TBC1D10B: variants seen among roughly 807,000 people sequenced by gnomAD.
The protein encoded by TBC1D10B is Rab27A-GAPbeta.
TBC1D10B carries 25 observed loss-of-function variants against 78.4 expected under a neutral mutation model. The observed-to-expected ratio is 0.32, with a 90% confidence interval of 0.23 to 0.45. The LOEUF is 0.45. Among genes scored for constraint, TBC1D10B ranks in the 20% least tolerant of loss-of-function variants. TBC1D10B has a pLI of 1.00. For missense variants in TBC1D10B, 996 were observed against 1,104.8 expected (o/e 0.90, Z 1.40); for synonymous variants, 517 against 478.0 (o/e 1.08, Z -1.06).
Position 30,357,745 on chromosome 16 carries a change from G to A in TBC1D10B, c.*199C>T. ...ACCCCAGCTGAGCCTCATGGGAGATGAGAGGCTCCAGACTCATTTGCAGCT... is the reference window on the plus strand; with the variant it reads ...ACCCCAGCTGAGCCTCATGGGAGATAAGAGGCTCCAGACTCATTTGCAGCT... On this transcript the variant is annotated 3_prime_UTR_variant, in exon 9 of 9. Transcript: ENST00000409939. 1 of 734,362 alleles carries A rather than the reference G, an allele frequency of 1.4e-6. No individual in the cohort carries two copies. Among genetic ancestry groups the A allele is most frequent in the Non-Finnish European group, 2.2e-6 (1 of 461,404 alleles). 45.5% of individuals were successfully genotyped at this position (734,362 alleles called of 1,614,324 possible).
Position 30,357,911 on chromosome 16 carries a change from G to C in TBC1D10B, c.*33C>G, listed in dbSNP as rs1375722568. 12 of 1,531,946 alleles carry C rather than the reference G, an allele frequency of 7.8e-6. No individual in the cohort carries two copies. Among genetic ancestry groups the C allele is most frequent in the Non-Finnish European group, 9.7e-6 (11 of 1,137,288 alleles). The allele number at this position is 1,531,946 out of a possible 1,614,324, so 94.9% of individuals were successfully genotyped here. On this transcript the variant is annotated 3_prime_UTR_variant, in exon 9 of 9. Transcript: ENST00000409939. The stretch of plus-strand genomic sequence containing the variant: ...GGCCTGTTCTTGGCTGAGGGAAAGA[G>C]GGGGGCCATGCAGTCCAGCCCCAGG...
rs993354708 is a variant in TBC1D10B, at chr16:30,370,361, C to G, written c.-178G>C. 9.4e-5 allele frequency: 17 copies of G among 180,694 alleles called. 1 individual carries two copies. Among genetic ancestry groups the G allele is most frequent in the African/African-American group, 4.1e-4 (17 of 41,828 alleles). The allele number at this position is 180,694 out of a possible 1,614,324, so 11.2% of individuals were successfully genotyped here. ...GCGGGGCAGGGGTCGGGGGGCGCCGCGCGCCGGGGTCTCTCTCGAGCCCTC... is the reference window on the plus strand; with the variant it reads ...GCGGGGCAGGGGTCGGGGGGCGCCGGGCGCCGGGGTCTCTCTCGAGCCCTC... On this transcript the variant is annotated 5_prime_UTR_variant, in exon 1 of 9. Coordinates refer to ENST00000409939, the MANE Select transcript of TBC1D10B (RefSeq NM_015527.4).
intron 1 of TBC1D10B, among the ~76,000 whole-genome samples, chr16:30,368,682 C>CG (rs1279842379): frequency 6.6e-6 from 1 of 152,162 alleles, no homozygotes; most frequent in African/African-American, 2.4e-5. Flanking sequence ...CCCTGTTTCA[C>CG]AGCGGGATCC....
In TBC1D10B at chr16:30,357,896, TG is replaced by T. The variant is rs2049564877; in HGVS notation, c.*47del. On this transcript the variant is annotated 3_prime_UTR_variant, in exon 9 of 9. Transcript: ENST00000409939. ...TGGCACCTTGGGCCAGGCCTGTTCT[TG>T]GCTGAGGGAAAGAGGGGGGCCATGC... 3.3e-6 allele frequency: 5 copies of T among 1,519,488 alleles called. No individual in the cohort carries two copies. The highest frequency in any genetic ancestry group is 3.5e-6 in the Non-Finnish European group (4 of 1,132,428). 94.1% of individuals were successfully genotyped at this position (1,519,488 alleles called of 1,614,324 possible).
At chr16:30,362,850 A>G (rs1370143776) in intron 4 of TBC1D10B, among the ~76,000 whole-genome samples, 1 of 152,184 alleles carries the variant, frequency 6.6e-6, no homozygotes, top group Non-Finnish European at 1.5e-5. Flanking sequence ...CAGCCTGGCC[A>G]ACATGGCAAA....
rs534263605 is a variant in TBC1D10B, at chr16:30,362,526, C to A, written c.1271+2374G>T. Among the ~76,000 whole-genome samples the A allele has an allele frequency of 2.2e-5, 3 of 134,010 alleles. No individual in the cohort carries two copies. In the East Asian group the frequency reaches 1.7e-3, roughly 76 times the overall value. The allele number at this position is 134,010 out of a possible 152,430, so 87.9% of individuals were successfully genotyped here. A position where few individuals can be genotyped will look rare whatever the true frequency, so the allele number is the denominator to read the frequency against. On this transcript the variant is annotated intron_variant, in intron 4 of 8. Transcript: ENST00000409939. ...TTCTCAAACTATTGGAGCTGCAGGG[C>A]TCAATTGTTGGACATTTCGCATCAA...
intron 4 of TBC1D10B, 140 bp downstream of exon 4, chr16:30,364,760 A>G (rs2049623607): frequency 1.4e-6 from 1 of 718,950 alleles, no homozygotes. Flanking sequence ...ATGGCTTGAC[A>G]CTTAGTCCAT....
At chr16:30,367,844 A>G (rs117667102) in intron 1 of TBC1D10B, 1 of 152,334 alleles carries the variant, frequency 6.6e-6, no homozygotes, top group East Asian at 1.9e-4. Flanking sequence ...CCCAAGAGGT[A>G]GAGTTCTCTG....
Position 30,365,480 on chromosome 16 carries a change from A to C in TBC1D10B, c.1056+15T>G, listed in dbSNP as rs760111379. Reference sequence around the variant, plus strand: ...CAACTTGTGCATTGCCCTGCCCACCATTCAGCCCTCAAACCTTCTGGAATC... The same window carrying C: ...CAACTTGTGCATTGCCCTGCCCACCCTTCAGCCCTCAAACCTTCTGGAATC... On this transcript the variant is annotated intron_variant, in intron 2 of 8. Transcript: ENST00000409939. This position sits in a 1 kb window ranked among gnomAD's most constrained non-coding sequence, Gnocchi z 5.0. 6.2e-7 allele frequency: 1 copy of C among 1,613,822 alleles called. No homozygotes were observed. Among genetic ancestry groups the C allele is most frequent in the East Asian group, 2.2e-5 (1 of 44,882 alleles).
At position 30,360,277 on chromosome 16, in the gene TBC1D10B, C is replaced by T. The variant is rs114487934; in HGVS notation, c.1272-436G>A. 797 of 172,488 alleles carry T rather than the reference C, an allele frequency of 4.6e-3. 6 individuals carry two copies. The highest frequency in any genetic ancestry group is 0.018 in the African/African-American group (749 of 42,004). The allele number at this position is 172,488 out of a possible 1,614,324, so 10.7% of individuals were successfully genotyped here. A position where few individuals can be genotyped will look rare whatever the true frequency, so the allele number is the denominator to read the frequency against. On this transcript the variant is annotated intron_variant, in intron 4 of 8. Transcript: ENST00000409939. ...GAAGGCTTGGAAGCCAGCTGTGCCT[C>T]AGCCCTTTCTCCTGTCTCTGCATCC... is the stretch of plus-strand genomic sequence containing the variant.
At chr16:30,362,110 A>G (rs536569393) in intron 4 of TBC1D10B, among the ~76,000 whole-genome samples, 6 of 151,982 alleles carry the variant, frequency 3.9e-5, no homozygotes, top group African/African-American at 9.7e-5. Flanking sequence ...CGGCCTCCCA[A>G]TGTGCTGGGA....
Position 30,359,309 on chromosome 16 carries a change from G to A in TBC1D10B, c.1505C>T (p.Ser502Phe), listed in dbSNP as rs758435744. The change falls in exon 7 of 9, where the codon TCC becomes TTC. Residue 502 changes from serine (S) to phenylalanine (F), a missense_variant. Ser to Phe is a radical substitution (Grantham distance 155). Around this residue, in one of 5 missense-constraint regions of TBC1D10B, gnomAD observed 168 missense variants for 238.7 expected, o/e 0.70. Transcript: ENST00000409939. ...EIFFALLRRA[S>F]PLAHRHLRRQ... ...CCGCAGGTGGCGATGCGCCAGCGGGGAGGCCCGGCGCAGGAGTGCAAAAAA... is the reference window on the plus strand; with the variant it reads ...CCGCAGGTGGCGATGCGCCAGCGGGAAGGCCCGGCGCAGGAGTGCAAAAAA... 3 of 1,598,844 alleles carry A rather than the reference G, an allele frequency of 1.9e-6. No homozygotes were observed.
At position 30,365,632 on chromosome 16, in the gene TBC1D10B, A is replaced by G. The variant is rs750025782; in HGVS notation, c.957-38T>C. 1.9e-6 allele frequency: 3 copies of G among 1,599,014 alleles called. No homozygotes were observed. The highest frequency in any genetic ancestry group is 2.6e-6 in the Non-Finnish European group (3 of 1,168,202). On this transcript the variant is annotated intron_variant, in intron 1 of 8. Transcript: ENST00000409939. The surrounding 1 kb of genome is among the most constrained non-coding windows in gnomAD (Gnocchi z 5.0). Reference sequence around the variant, plus strand: ...GGGAGCACGGAAGGGGTCAGTAGCAATAGTGTAAAACCTGCATTGCAGGGG... The same window carrying G: ...GGGAGCACGGAAGGGGTCAGTAGCAGTAGTGTAAAACCTGCATTGCAGGGG...
At position 30,357,905 on chromosome 16, in the gene TBC1D10B, G is replaced by A; in HGVS notation, c.*39C>T. 6.5e-7 allele frequency: 1 copy of A among 1,526,726 alleles called. No individual in the cohort carries two copies. Among genetic ancestry groups the A allele is most frequent in the Non-Finnish European group, 8.8e-7 (1 of 1,135,170 alleles). The allele number at this position is 1,526,726 out of a possible 1,614,324, so 94.6% of individuals were successfully genotyped here. The stretch of plus-strand genomic sequence containing the variant: ...GGGCCAGGCCTGTTCTTGGCTGAGG[G>A]AAAGAGGGGGGCCATGCAGTCCAGC... On this transcript the variant is annotated 3_prime_UTR_variant, in exon 9 of 9. Coordinates refer to ENST00000409939, the MANE Select transcript of TBC1D10B (RefSeq NM_015527.4).
rs2049558243 is a variant in TBC1D10B, at chr16:30,357,244, G to A, written c.*700C>T. ...ACCCAGATAGGGACTAACTGGAGGGGTGGAAGGGAACAAGGTGAAAGGTAT... is the reference window on the plus strand; with the variant it reads ...ACCCAGATAGGGACTAACTGGAGGGATGGAAGGGAACAAGGTGAAAGGTAT... On this transcript the variant is annotated 3_prime_UTR_variant, in exon 9 of 9. Transcript: ENST00000409939. The A allele has an allele frequency of 6.5e-6, 1 of 153,778 alleles. No individual in the cohort carries two copies. The highest frequency in any genetic ancestry group is 2.4e-5 in the African/African-American group (1 of 41,448). 9.5% of individuals were successfully genotyped at this position (153,778 alleles called of 1,614,324 possible). A position where few individuals can be genotyped will look rare whatever the true frequency, so the allele number is the denominator to read the frequency against.
At chr16:30,362,335 A>G in intron 4 of TBC1D10B, among the ~76,000 whole-genome samples, 1 of 152,234 alleles carries the variant, frequency 6.6e-6, no homozygotes, top group East Asian at 1.9e-4. Flanking sequence ...TGTTCAATCC[A>G]GAGGTCAATT....
At position 30,365,216 on chromosome 16, in the gene TBC1D10B, A is replaced by C. The variant is rs1189352515; in HGVS notation, c.1057-4T>G. 1.9e-6 allele frequency: 3 copies of C among 1,613,510 alleles called. No homozygotes were observed. The highest frequency in any genetic ancestry group is 3.3e-5 in the Admixed American group (2 of 60,018). On this transcript the variant is annotated splice_polypyrimidine_tract_variant and splice_region_variant and intron_variant, in intron 2 of 8. Coordinates refer to ENST00000409939, the MANE Select transcript of TBC1D10B (RefSeq NM_015527.4). This position sits in a 1 kb window ranked among gnomAD's most constrained non-coding sequence, Gnocchi z 5.0. ...CCTTCCGGCAGCGCAGCTTCACCTA[A>C]GGCAAAGTGGCAGGAGGGGGACAGC...
rs1218010612 is a variant in TBC1D10B, at chr16:30,357,976, A to C, written c.2395T>G (p.Ser799Ala). 5.8e-6 allele frequency: 9 copies of C among 1,551,536 alleles called. No homozygotes were observed. Among genetic ancestry groups the C allele is most frequent in the Non-Finnish European group, 7.8e-6 (9 of 1,146,930 alleles). ...TAAGCGTCCTGCCGGGCCTCGGCTG[A>C]GGGCCTGTCCCCACCATCATGGGGG... ...PGPHDGGDRP[S>A]AEARQDAYF Residue 799 changes from serine (S) to alanine (A), a missense_variant, in exon 9 of 9, where the codon TCA becomes GCA. Transcript: ENST00000409939.
In TBC1D10B at chr16:30,358,217, G is replaced by A. The variant is rs1405394509; in HGVS notation, c.2154C>T (p.Ser718=). The change falls in exon 9 of 9, where the codon AGC becomes AGT. Residue 718 remains serine, a synonymous_variant. Transcript: ENST00000409939. ...PTGNSTPLGS[S]KETRKQEKER... ...CCTTCTCCTGCTTCCGGGTCTCCTT[G>A]CTGGAACCCAAGGGGGTGCTATTGC... 3 of 1,553,678 alleles carry A rather than the reference G, an allele frequency of 1.9e-6. No homozygotes were observed. The highest frequency in any genetic ancestry group is 1.4e-5 in the African/African-American group (1 of 73,158).
Sources: allele counts gnomAD v4.1 joint callset (sites outside exome capture counted in the v4.1 genomes callset), GRCh38; gene constraint gnomAD v4.1.1; regional missense constraint gnomAD v4.1.1; non-coding constraint Gnocchi (gnomAD v3.1); transcripts MANE v1.5; gene names NCBI Gene and HGNC (gene_info 2026-07-23, HGNC 2026-07-21).